COL23A1: variants seen among roughly 807,000 people sequenced by gnomAD.
The protein encoded by COL23A1 is collagen alpha-1(XXIII) chain.
COL23A1 carries 97 observed loss-of-function variants against 99.3 expected under a neutral mutation model. The ratio of observed to expected loss-of-function variants is 0.98; its 90% CI spans 0.83 to 1.16. The LOEUF (loss-of-function observed/expected upper bound fraction) is 1.16, where lower values mean the gene tolerates loss of function less well. Ranked by LOEUF, COL23A1 falls within the 50% of genes most tolerant of loss-of-function variation. The pLI, the probability that COL23A1 is intolerant of heterozygous loss-of-function variation, is 0.00. For synonymous variants in COL23A1, 320 were observed against 308.2 expected (o/e 1.04, Z -0.40); for missense variants, 762 against 757.4 (o/e 1.01, Z -0.07).
chr5:178,523,201 T>TATATAGAGAGAGAGAGAGAGAG (rs1223542330), intron 2 of COL23A1, among the ~76,000 whole-genome samples: 2 of 77,632 alleles, frequency 2.6e-5, no homozygotes, highest in Non-Finnish European at 5.0e-5. Flanking sequence ...TATATATATA[T>TATATAGAGAGAGAGAGAGAGAG]AGAGAGAGAG....
At chr5:178,386,108 C>T (rs1291413472) in intron 2 of COL23A1, among the ~76,000 whole-genome samples, 3 of 152,090 alleles carry the variant, frequency 2.0e-5, no homozygotes, top group Non-Finnish European at 2.9e-5. Context: ...ACCCGGGCTT[C>T]GTGTATGTGG....
intron 2 of COL23A1, among the ~76,000 whole-genome samples, chr5:178,552,373 C>T (rs13187034): frequency 0.11 from 16,506 of 152,070 alleles, 1,053 homozygotes; most frequent in Middle Eastern, 0.16. Context: ...AGAGTATTCT[C>T]GTGCCCCCCA....
rs1005979643 is a variant in COL23A1, at chr5:178,242,045, G to C, written c.1578C>G (p.Pro526=). ...AGGGCCCTCCTCCGACACCTACCAC[G>C]GGACACGGCTGGTCCAGGCCTGGTG... ...PGPPGLDQPC[P]VGPDGLPVPG... is the part of the protein sequence containing the mutation. Residue 526 remains proline (P), a synonymous_variant, in exon 27 of 29, where the codon CCC becomes CCG. Transcript: ENST00000390654. The C allele has an allele frequency of 5.8e-6, 9 of 1,553,778 alleles. No individual in the cohort carries two copies. The East Asian group carries it at 1.9e-4, about 33-fold the overall frequency.
At position 178,428,411 on chromosome 5, in the gene COL23A1, G is replaced by A. The variant is rs1766068748; in HGVS notation, c.362-121492C>T. ...GATCAAAACCTACCAAGATAACAGG[G>A]AACCAGGGGCAGCTTCCAGGGCCCC... On this transcript the variant is annotated intron_variant, in intron 2 of 28. Transcript: ENST00000390654. This position sits in a 1 kb window ranked among gnomAD's most constrained non-coding sequence, Gnocchi z 5.0. 6.6e-6 allele frequency among the ~76,000 whole-genome samples: 1 copy of A among 152,230 alleles called. No homozygotes were observed.
intron 2 of COL23A1, chr5:178,378,280 C>T (rs1249172069): frequency 6.6e-6 from 1 of 152,130 alleles, no homozygotes; most frequent in African/African-American, 2.4e-5. Flanking sequence ...CCCACAGAGC[C>T]CTGGGAAAAT....
intron 2 of COL23A1, among the ~76,000 whole-genome samples, chr5:178,515,071 C>T (rs1257012796): frequency 2.0e-5 from 3 of 152,240 alleles, no homozygotes; most frequent in Non-Finnish European, 4.4e-5. Flanking sequence ...TGGAATGGAT[C>T]CCACCCAAGA....
intron 2 of COL23A1, among the ~76,000 whole-genome samples, chr5:178,376,031 A>C (rs1437465298): frequency 6.6e-6 from 1 of 152,084 alleles, no homozygotes; most frequent in Non-Finnish European, 1.5e-5. Context: ...TACAGCTGTA[A>C]GTTGTGGCTC....
chr5:178,506,309 T>C (rs1449286915), intron 2 of COL23A1, among the ~76,000 whole-genome samples: 1 of 152,214 alleles, frequency 6.6e-6, no homozygotes, highest in Non-Finnish European at 1.5e-5. Context: ...TCAGGCTTCC[T>C]GGGTGCCCCA....
chr5:178,532,529 A>G (rs1326485100), intron 2 of COL23A1, among the ~76,000 whole-genome samples: 2 of 152,154 alleles, frequency 1.3e-5, no homozygotes, highest in Non-Finnish European at 2.9e-5. Context: ...AGTCAAACAG[A>G]AACCCCATAC....
At chr5:178,417,726 T>G (rs1765391291) in intron 2 of COL23A1, among the ~76,000 whole-genome samples, 1 of 152,220 alleles carries the variant, frequency 6.6e-6, no homozygotes, top group Non-Finnish European at 1.5e-5. Flanking sequence ...GCTGCCCGCT[T>G]CATCCAGGCC....
At chr5:178,456,940 A>C (rs1324483576) in intron 2 of COL23A1, among the ~76,000 whole-genome samples, 1 of 152,204 alleles carries the variant, frequency 6.6e-6, no homozygotes, top group Non-Finnish European at 1.5e-5. Context: ...ATGGCTGATA[A>C]TGTAAACATG....
intron 6 of COL23A1, among the ~76,000 whole-genome samples, chr5:178,269,287 TCATC>T (rs375433031): frequency 0.1 from 14,095 of 139,972 alleles, 1,139 homozygotes; most frequent in African/African-American, 0.23. Context: ...CCTGTATGAG[TCATC>T]CATCCATCCA....
In COL23A1 at chr5:178,380,650, T is replaced by A. The variant is rs551077391; in HGVS notation, c.362-73731A>T. ...GAATGAGTGAATGGGAAGTGGCATTTGAGCCAATGAAGGAGGTGGTATGAA... is the reference window on the plus strand; with the variant it reads ...GAATGAGTGAATGGGAAGTGGCATTAGAGCCAATGAAGGAGGTGGTATGAA... On this transcript the variant is annotated intron_variant, in intron 2 of 28. Coordinates refer to ENST00000390654, the MANE Select transcript of COL23A1 (RefSeq NM_173465.4). Among the ~76,000 whole-genome samples the A allele has an allele frequency of 8.5e-5, 13 of 152,300 alleles. No individual in the cohort carries two copies. In the South Asian group the frequency reaches 1.9e-3, roughly 22 times the overall value.
intron 2 of COL23A1, among the ~76,000 whole-genome samples, chr5:178,515,294 G>A (rs909068353): frequency 6.6e-6 from 1 of 152,236 alleles, no homozygotes; most frequent in African/African-American, 2.4e-5. Context: ...TCCATGCCCA[G>A]GCAGTTTCCT....
intron 1 of COL23A1, among the ~76,000 whole-genome samples, chr5:178,570,355 C>T (rs1430600453): frequency 6.6e-6 from 1 of 152,086 alleles, no homozygotes; most frequent in Non-Finnish European, 1.5e-5. Context: ...GTGATCTGTG[C>T]CTGCCTCGGC....
chr5:178,537,637 C>A (rs1761050174), intron 2 of COL23A1, among the ~76,000 whole-genome samples: 1 of 152,220 alleles, frequency 6.6e-6, no homozygotes, highest in Non-Finnish European at 1.5e-5. Flanking sequence ...CCACGGTCTG[C>A]CGAAGGCGGC....
intron 2 of COL23A1, among the ~76,000 whole-genome samples, chr5:178,537,167 AG>A (rs1761013871): frequency 6.6e-6 from 1 of 152,162 alleles, no homozygotes; most frequent in African/African-American, 2.4e-5. Context: ...CGGGGGTGAC[AG>A]GGAGAGGAGC....
intron 11 of COL23A1, 26 bp downstream of exon 11, chr5:178,261,696 G>A (rs532543274): frequency 4.4e-6 from 7 of 1,589,666 alleles, no homozygotes; most frequent in African/African-American, 4.0e-5. Context: ...ATCTGGGGAG[G>A]GGCATGGGGA....
chr5:178,391,881 A>T (rs775633142), intron 2 of COL23A1, among the ~76,000 whole-genome samples: 3 of 121,054 alleles, frequency 2.5e-5, no homozygotes, highest in African/African-American at 3.9e-5. Flanking sequence ...ATACAATGAA[A>T]CATTATTTGA....
Sources: gnomAD v4.1 joint callset for allele counts (sites outside exome capture counted in the v4.1 genomes callset) on GRCh38, gnomAD v4.1.1 for gene constraint, Gnocchi (gnomAD v3.1) non-coding constraint, MANE v1.5 for transcripts, NCBI Gene and HGNC (gene_info 2026-07-23, HGNC 2026-07-21) for gene names.